The following NSMCE2 variants were observed in gnomAD, a reference collection of about 807,000 sequenced individuals.
The protein encoded by NSMCE2 is E3 SUMO-protein ligase NSE2.
Under a neutral mutation model 23.8 loss-of-function variants are expected in NSMCE2, and 24 were observed. The observed-to-expected ratio is 1.01, with a 90% CI of 0.73 to 1.42. The LOEUF is 1.42. NSMCE2 is among the 40% of genes most tolerant of loss of function. The pLI is 0.00. For synonymous variants in NSMCE2, 92 were observed against 94.1 expected (o/e 0.98, Z 0.13); for missense variants, 284 against 296.5 (o/e 0.96, Z 0.31).
chr8:125,155,442 T>C (rs929850943), intron 4 of NSMCE2, among the ~76,000 whole-genome samples: 3 of 152,198 alleles, frequency 2.0e-5, no homozygotes, highest in African/African-American at 7.2e-5. Flanking sequence ...CCTTTATATA[T>C]AGAAAGTTAA....
At chr8:125,244,935 A>G (rs1004926624) in intron 5 of NSMCE2, among the ~76,000 whole-genome samples, 30 of 152,330 alleles carry the variant, frequency 2.0e-4, no homozygotes, top group African/African-American at 6.3e-4. Context: ...TACAAGATCA[A>G]TTAAATATTT....
intron 5 of NSMCE2, among the ~76,000 whole-genome samples, chr8:125,324,518 C>CAAAAA (rs71295841): frequency 2.0e-5 from 1 of 49,034 alleles, no homozygotes; most frequent in Non-Finnish European, 3.5e-5. Context: ...GGTGCCAGAC[C>CAAAAA]AAAAAAAAAA....
intron 5 of NSMCE2, among the ~76,000 whole-genome samples, chr8:125,277,496 ATCT>A (rs761717182): frequency 2.0e-4 from 30 of 151,856 alleles, no homozygotes; most frequent in Middle Eastern, 3.4e-3. Flanking sequence ...ATAATTTGTC[ATCT>A]TCTTCTTCTT....
intron 3 of NSMCE2, among the ~76,000 whole-genome samples, chr8:125,136,201 A>G (rs1429177767): frequency 6.6e-6 from 1 of 152,178 alleles, no homozygotes; most frequent in Non-Finnish European, 1.5e-5. Flanking sequence ...TTTGATAAAC[A>G]GGAGAGTAAC....
chr8:125,104,849 G>A lies in NSMCE2; in HGVS notation c.157+2362G>A, dbSNP rs530336451. ...GTCAGGAGTTCCAGGCCAACCTGAC[G>A]AAACCCTGTCTCTACTAAAAAACAA... On this transcript the variant is annotated intron_variant, in intron 3 of 7. Coordinates refer to ENST00000287437, the MANE Select transcript of NSMCE2 (RefSeq NM_173685.4). Among the ~76,000 whole-genome samples the A allele has an allele frequency of 3.3e-4, 50 of 152,210 alleles. 1 individual carries two copies. The South Asian group carries it at 9.3e-3, about 28-fold the overall frequency.
At chr8:125,147,802 G>A (rs953278171) in intron 3 of NSMCE2, among the ~76,000 whole-genome samples, 2 of 152,112 alleles carry the variant, frequency 1.3e-5, no homozygotes. Context: ...CCCCTCCAAA[G>A]TCAAGAGGTT....
intron 3 of NSMCE2, among the ~76,000 whole-genome samples, chr8:125,144,727 A>T (rs1275010324): frequency 6.6e-6 from 1 of 152,054 alleles, no homozygotes; most frequent in East Asian, 1.9e-4. Context: ...CCTTGCTTTC[A>T]TTCTTTCATA....
intron 3 of NSMCE2, among the ~76,000 whole-genome samples, chr8:125,111,370 A>T (rs1356771190): frequency 6.6e-6 from 1 of 152,204 alleles, no homozygotes; most frequent in Admixed American, 6.5e-5. Context: ...CCTGAATAAG[A>T]CATTCTTAAA....
At chr8:125,239,591 A>G (rs1015649913) in intron 5 of NSMCE2, among the ~76,000 whole-genome samples, 16 of 145,004 alleles carry the variant, frequency 1.1e-4, no homozygotes, top group African/African-American at 4.2e-4. Context: ...CCTGGGCGAC[A>G]GAGCAAGACT....
chr8:125,358,807 C>G (rs530411760), intron 7 of NSMCE2, among the ~76,000 whole-genome samples: 2 of 152,144 alleles, frequency 1.3e-5, no homozygotes, highest in Non-Finnish European at 2.9e-5. Flanking sequence ...TGGGTGTGGA[C>G]TTAGAGATAA....
chr8:125,321,484 A>G (rs2131269923), intron 5 of NSMCE2, among the ~76,000 whole-genome samples: 1 of 152,354 alleles, frequency 6.6e-6, no homozygotes, highest in East Asian at 1.9e-4. Context: ...TACCAAGTCT[A>G]CAGAAACTCT....
chr8:125,326,987 G>T (rs1439992014), intron 5 of NSMCE2, among the ~76,000 whole-genome samples: 1 of 149,312 alleles, frequency 6.7e-6, no homozygotes, highest in Non-Finnish European at 1.5e-5. Context: ...AGAGGGCCAG[G>T]CGAGGTGGCT....
intron 3 of NSMCE2, among the ~76,000 whole-genome samples, chr8:125,126,385 G>A (rs568326893): frequency 3.5e-4 from 52 of 150,274 alleles, no homozygotes; most frequent in Admixed American, 3.1e-3. Context: ...AAAAAAAAAC[G>A]AGGGGGACAG....
At chr8:125,289,935 TC>T (rs1251343017) in intron 5 of NSMCE2, among the ~76,000 whole-genome samples, 5 of 152,206 alleles carry the variant, frequency 3.3e-5, no homozygotes, top group Non-Finnish European at 7.3e-5. Context: ...AATTATTTTC[TC>T]CCCTGAATGT....
chr8:125,218,796 C>T (rs778571729), intron 5 of NSMCE2, among the ~76,000 whole-genome samples: 6 of 152,102 alleles, frequency 3.9e-5, no homozygotes, highest in Non-Finnish European at 8.8e-5. Context: ...TTCGCAACAA[C>T]ATGAATAAAC....
chr8:125,358,142 G>C (rs1310917356), intron 7 of NSMCE2, among the ~76,000 whole-genome samples: 1 of 152,074 alleles, frequency 6.6e-6, no homozygotes, highest in Non-Finnish European at 1.5e-5. Context: ...AGACCAGCCT[G>C]GCCAACATGG....
At chr8:125,213,516 TCTCCTCTCCTCTCCTCTCCTCTCCC>T (rs1824436586) in intron 5 of NSMCE2, among the ~76,000 whole-genome samples, 1 of 124,174 alleles carries the variant, frequency 8.1e-6, no homozygotes, top group South Asian at 3.0e-4. Flanking sequence ...TCTCCTCTCC[TCTCCTCTCCTCTCCTCTCCTCTCCC>T]CTCCACTCCC....
intron 4 of NSMCE2, among the ~76,000 whole-genome samples, chr8:125,161,194 A>G (rs1019591076): frequency 1.5e-4 from 23 of 152,204 alleles, no homozygotes; most frequent in Non-Finnish European, 5.9e-5. Context: ...CTCTCACAGC[A>G]TCAAGTTTCT....
At chr8:125,102,000 C>T in intron 1 of NSMCE2, 51 bp from the exon 2 acceptor site, 1 of 184,090 alleles carries the variant, frequency 5.4e-6, no homozygotes, top group Non-Finnish European at 1.1e-5. Flanking sequence ...TTTTCTAACC[C>T]ATTTATCTTG....
Sources: gnomAD v4.1 joint callset for allele counts (sites outside exome capture counted in the v4.1 genomes callset) on GRCh38, gnomAD v4.1.1 for gene constraint, MANE v1.5 for transcripts, NCBI Gene and HGNC (gene_info 2026-07-23, HGNC 2026-07-21) for gene names.